Variants in TBX3 observed in about 807,000 individuals in gnomAD.
The protein encoded by TBX3 is T-box transcription factor 3.
In TBX3, 11 loss-of-function variants were observed where a neutral mutation model predicts 47.8. The ratio of observed to expected loss-of-function variants is 0.23; its 90% CI spans 0.14 to 0.38. The LOEUF is 0.38. Among genes scored for constraint, TBX3 ranks in the 10% least tolerant of loss-of-function variants. TBX3 has a pLI of 1.00. For missense variants in TBX3, 927 were observed against 1,022.8 expected, an observed-to-expected ratio of 0.91 and a Z score of 1.28; for synonymous variants, 500 against 449.3, an observed-to-expected ratio of 1.11 and a Z score of -1.43.
Position 114,684,039 on chromosome 12 carries a change from GA to G in TBX3, c.-840del, listed in dbSNP as rs1325117126. On this transcript the variant is annotated 5_prime_UTR_variant, in exon 1 of 7. Transcript: ENST00000349155. ...GCAGGGCAGGGAGGATTTAGAGGGG[GA>G]AAAAATGGAACAGAGGGAAAGAGAG... is the stretch of plus-strand genomic sequence containing the variant. 2 of 228,792 alleles carry G rather than the reference GA, an allele frequency of 8.7e-6. No homozygotes were observed. Among genetic ancestry groups the G allele is most frequent in the African/African-American group, 2.2e-5 (1 of 44,822 alleles). 14.2% of individuals were successfully genotyped at this position (228,792 alleles called of 1,614,324 possible).
Position 114,683,956 on chromosome 12 carries a change from C to G in TBX3, c.-756G>C. The G allele has an allele frequency of 4.3e-6, 1 of 231,688 alleles. No individual in the cohort carries two copies. The highest frequency in any genetic ancestry group is 8.5e-6 in the Non-Finnish European group (1 of 117,062). 14.4% of individuals were successfully genotyped at this position (231,688 alleles called of 1,614,324 possible). A position where few individuals can be genotyped will look rare whatever the true frequency, so the allele number is the denominator to read the frequency against. On this transcript the variant is annotated 5_prime_UTR_variant, in exon 1 of 7. Coordinates refer to ENST00000349155, the MANE Select transcript of TBX3 (RefSeq NM_005996.4). The surrounding 1 kb of genome is among the most constrained non-coding windows in gnomAD (Gnocchi z 7.7). ...TGCTGGGCTCTTCTCCCGTGCCTCT[C>G]TCTCTTCCTTGTCCTAAAACGTGAG...
At chr12:114,673,064 C>T (rs1868521549) in intron 6 of TBX3, among the ~76,000 whole-genome samples, 1 of 152,240 alleles carries the variant, frequency 6.6e-6, no homozygotes, top group African/African-American at 2.4e-5. Flanking sequence ...GCACCCTGGC[C>T]TGGGCCAGTT....
In TBX3 at chr12:114,674,554, C is replaced by T. The variant is rs1239750042; in HGVS notation, c.1321G>A (p.Gly441Ser). The T allele has an allele frequency of 1.3e-6, 2 of 1,557,346 alleles. No homozygotes were observed. The highest frequency in any genetic ancestry group is 1.2e-5 in the South Asian group (1 of 84,014). The change falls in exon 6 of 7, where the codon GGC becomes AGC. Residue 441 changes from glycine to serine, a missense_variant. Gly to Ser is a moderately conservative substitution (Grantham distance 56). This residue lies in a region of TBX3 where 623 missense variants were observed against 569.0 expected (regional missense o/e 1.09). Coordinates refer to ENST00000349155, the MANE Select transcript of TBX3 (RefSeq NM_005996.4). ...AEERRSPVRE[G>S]TAPAKVEEAR... ...TCTTCCACCTTGGCCGGCGCTGTGC[C>T]CTCGCGAACCGGGCTCCTGCGCTCC... is the stretch of plus-strand genomic sequence containing the variant.
chr12:114,683,191 A>G lies in TBX3; in HGVS notation c.10T>C (p.Ser4Pro), dbSNP rs771057510. The G allele has an allele frequency of 6.2e-7, 1 of 1,611,152 alleles. No individual in the cohort carries two copies. Among genetic ancestry groups the G allele is most frequent in the South Asian group, 1.1e-5 (1 of 91,022 alleles). The change falls in exon 1 of 7, where the codon TCC (serine) becomes CCC (proline). Residue 4 changes from serine (S) to proline (P), a missense_variant. Ser to Pro is a moderately conservative substitution (Grantham distance 74). Coordinates refer to ENST00000349155, the MANE Select transcript of TBX3 (RefSeq NM_005996.4). The surrounding 1 kb of genome is among the most constrained non-coding windows in gnomAD (Gnocchi z 7.7). MSL[S>P]MRDPVIPGTS... is the part of the protein sequence containing the mutation. ...CCAGGAATGACCGGATCTCTCATGG[A>G]GAGGCTCATCCACTCCAGGCGGGGC...
chr12:114,673,350 A>G (rs942773673), intron 6 of TBX3, among the ~76,000 whole-genome samples: 1 of 152,200 alleles, frequency 6.6e-6, no homozygotes, highest in African/African-American at 2.4e-5. Context: ...GAACCTTTTC[A>G]TCGAGTTCAG....
chr12:114,679,225 G>T lies in TBX3; in HGVS notation c.804+280C>A, dbSNP rs1981946. Among the ~76,000 whole-genome samples, 7,679 of 152,118 alleles carry T rather than the reference G, an allele frequency of 0.05. 303 individuals are homozygous for T. Among genetic ancestry groups the T allele is most frequent in the South Asian group, 0.11 (539 of 4,782 alleles). Reference sequence around the variant, plus strand: ...AACAGACAGGACAAAGCCCAAGAGGGGGGGAGGAGTGGGTGGCATCAATGA... The same window carrying T: ...AACAGACAGGACAAAGCCCAAGAGGTGGGGAGGAGTGGGTGGCATCAATGA... On this transcript the variant is annotated intron_variant, in intron 3 of 6. Coordinates refer to ENST00000349155, the MANE Select transcript of TBX3 (RefSeq NM_005996.4).
chr12:114,683,360 T>C lies in TBX3; in HGVS notation c.-160A>G. On this transcript the variant is annotated 5_prime_UTR_variant, in exon 1 of 7. Coordinates refer to ENST00000349155, the MANE Select transcript of TBX3 (RefSeq NM_005996.4). This position sits in a 1 kb window ranked among gnomAD's most constrained non-coding sequence, Gnocchi z 7.7. ...AAGAAAAGGAGGCAGAAATCACAACTAATGCACTTCAAAGGGAGGAGGGGA... is the reference window on the plus strand; with the variant it reads ...AAGAAAAGGAGGCAGAAATCACAACCAATGCACTTCAAAGGGAGGAGGGGA... 1 of 954,870 alleles carries C rather than the reference T, an allele frequency of 1.0e-6. No homozygotes were observed. The highest frequency in any genetic ancestry group is 1.5e-6 in the Non-Finnish European group (1 of 654,836). The allele number at this position is 954,870 out of a possible 1,614,324, so 59.1% of individuals were successfully genotyped here.
chr12:114,677,341 A>T (rs1413045545), intron 4 of TBX3, among the ~76,000 whole-genome samples: 1 of 152,222 alleles, frequency 6.6e-6, no homozygotes, highest in Admixed American at 6.5e-5. Context: ...ATTATCCCTG[A>T]TGCTTCTCTT....
Position 114,671,788 on chromosome 12 carries a change from A to G in TBX3, c.*53T>C. 1 of 1,544,430 alleles carries G rather than the reference A, an allele frequency of 6.5e-7. No homozygotes were observed. The highest frequency in any genetic ancestry group is 2.0e-5 in the Admixed American group (1 of 51,008). On this transcript the variant is annotated 3_prime_UTR_variant, in exon 7 of 7. Transcript: ENST00000349155. ...CCGTGGTTTATTTTATATCCGACAA[A>G]GTGCACGGCAGCCTGAACTGGACTG...
At position 114,672,159 on chromosome 12, in the gene TBX3, C is replaced by G. The variant is rs1428621258; in HGVS notation, c.1854G>C (p.Leu618=). The change falls in exon 7 of 7, where the codon CTG becomes CTC. Residue 618 remains leucine (L), a synonymous_variant. Transcript: ENST00000349155. The part of the protein sequence containing the change: ...FLNLNTMRPR[L]RYSPYSIPVP... ...CCGGGATGGAGTAGGGGCTGTAGCG[C>G]AGCCGCGGGCGCATGGTGTTCAGAT... The G allele has an allele frequency of 6.4e-7, 1 of 1,570,452 alleles. No homozygotes were observed. Among genetic ancestry groups the G allele is most frequent in the Non-Finnish European group, 8.6e-7 (1 of 1,158,562 alleles).
rs886049021 is a variant in TBX3 at position 114,684,072 on chromosome 12, G to GAA, written c.-873_-872insTT. On this transcript the variant is annotated 5_prime_UTR_variant, in exon 1 of 7. Transcript: ENST00000349155. ...GGAACAGAGGGAAAGAGAGGGAGGG[G>GAA]AGAGAGAGAGAGAGAGAGAGAGACG... 1 of 54,168 alleles carries GAA rather than the reference G, an allele frequency of 1.8e-5. No homozygotes were observed. Among genetic ancestry groups the GAA allele is most frequent in the Non-Finnish European group, 3.0e-5 (1 of 32,932 alleles). 3.4% of individuals were successfully genotyped at this position (54,168 alleles called of 1,614,324 possible).
Position 114,679,541 on chromosome 12 carries a change from A to G in TBX3, c.768T>C (p.Thr256=). The change falls in exon 3 of 7, where the codon ACT becomes ACC. Residue 256 remains threonine, a synonymous_variant. Transcript: ENST00000349155. The part of the protein sequence containing the change: ...STFRTYLFPE[T]EFIAVTAYQN... ...GGTATGCAGTCACAGCGATGAATTC[A>G]GTTTCGGGGAACAAGTATGTCCGAA... is the stretch of plus-strand genomic sequence containing the variant. The G allele has an allele frequency of 6.2e-7, 1 of 1,614,234 alleles. No individual in the cohort carries two copies. Among genetic ancestry groups the G allele is most frequent in the South Asian group, 1.1e-5 (1 of 91,086 alleles).
chr12:114,682,718 G>T (rs1868991329), intron 1 of TBX3, 94 bp downstream of exon 1: 1 of 1,590,822 alleles, frequency 6.3e-7, no homozygotes, highest in African/African-American at 1.3e-5. Flanking sequence ...CGTCCAAGCC[G>T]TAATAACCGA....
Position 114,674,681 on chromosome 12 carries a change from A to C in TBX3, c.1194T>G (p.Ala398=). 6.2e-7 allele frequency: 1 copy of C among 1,607,686 alleles called. No individual in the cohort carries two copies. The highest frequency in any genetic ancestry group is 8.5e-7 in the Non-Finnish European group (1 of 1,179,212). ...GSPAVKAHLF[A]AERPRDSGRL... ...GCCCGCTGTCCCGGGGCCGCTCAGC[A>C]GCGAAAAGGTGAGCCTTGACCGCGG... The change falls in exon 6 of 7, where the codon GCT becomes GCG. Residue 398 remains alanine (A), a synonymous_variant. Transcript: ENST00000349155.
chr12:114,672,245 C>CGGCCATG lies in TBX3; in HGVS notation c.1761_1767dup (p.Ala590HisfsTer84). Reference sequence around the variant, plus strand: ...GCCGCAGAGGAGGCGGCCGCCGCTGCGGCCATGTACGTGTAGGGGTAAGGG... The same window carrying CGGCCATG: ...GCCGCAGAGGAGGCGGCCGCCGCTGCGGCCATGGGCCATGTACGTGTAGGGGTAAGGG... On this transcript the variant is annotated frameshift_variant, in exon 7 of 7. Transcript: ENST00000349155. LOFTEE classifies it high-confidence loss of function. The CGGCCATG allele has an allele frequency of 6.3e-7, 1 of 1,574,842 alleles. No individual in the cohort carries two copies. Among genetic ancestry groups the CGGCCATG allele is most frequent in the Non-Finnish European group, 8.6e-7 (1 of 1,161,160 alleles).
At chr12:114,673,275 A>T (rs1399602274) in intron 6 of TBX3, among the ~76,000 whole-genome samples, 5 of 152,188 alleles carry the variant, frequency 3.3e-5, no homozygotes, top group Non-Finnish European at 7.3e-5. Flanking sequence ...TTCTTGGCGC[A>T]GGGAAGGGAG....
In TBX3 at chr12:114,674,633, G is replaced by C. The variant is rs1423724888; in HGVS notation, c.1242C>G (p.Asp414Glu). 6 of 1,606,304 alleles carry C rather than the reference G, an allele frequency of 3.7e-6. No homozygotes were observed. The Admixed American group carries it at 5.0e-5, about 13-fold the overall frequency. Residue 414 changes from aspartate to glutamate, a missense_variant, in exon 6 of 7, where the codon GAC (aspartate) becomes GAG (glutamate). Around this residue, in one of 5 missense-constraint regions of TBX3, gnomAD observed 623 missense variants for 569.0 expected, o/e 1.09. Coordinates refer to ENST00000349155, the MANE Select transcript of TBX3 (RefSeq NM_005996.4). ...AGATGGTGGCGGGGCTATGGCGTGAGTCGGGCGACGCTTTGTCCAGCCGCC... is the reference window on the plus strand; with the variant it reads ...AGATGGTGGCGGGGCTATGGCGTGACTCGGGCGACGCTTTGTCCAGCCGCC... ...DSGRLDKASP[D>E]SRHSPATISS...
rs1185164548 is a variant in TBX3, at chr12:114,683,898, CTCCGGAGGGTG to C, written c.-709_-699del. The C allele has an allele frequency of 2.6e-5, 6 of 232,250 alleles. No homozygotes were observed. The highest frequency in any genetic ancestry group is 1.1e-4 in the Admixed American group (2 of 17,736). 14.4% of individuals were successfully genotyped at this position (232,250 alleles called of 1,614,324 possible). Reference sequence around the variant, plus strand: ...TCCTCCTCCTTCCTCTGCTCCGAGCCTCCGGAGGGTGTCTCGGTTTCAATCCAAATCTTGCT... The same window carrying C: ...TCCTCCTCCTTCCTCTGCTCCGAGCCTCTCGGTTTCAATCCAAATCTTGCT... On this transcript the variant is annotated 5_prime_UTR_variant, in exon 1 of 7. Coordinates refer to ENST00000349155, the MANE Select transcript of TBX3 (RefSeq NM_005996.4). The surrounding 1 kb of genome is among the most constrained non-coding windows in gnomAD (Gnocchi z 7.7).
In TBX3 at chr12:114,671,849, A is replaced by T; in HGVS notation, c.2164T>A (p.Ser722Thr). Residue 722 changes from serine to threonine, a missense_variant, in exon 7 of 7, where the codon TCC (serine) becomes ACC (threonine). Ser to Thr is a moderately conservative substitution (Grantham distance 58). This residue lies in a region of TBX3 where 623 missense variants were observed against 569.0 expected (regional missense o/e 1.09). Transcript: ENST00000349155. ...EAKPDRSRSA[S>T]P ...ACGTGTCTGGGACGGGTCTACGGGGACGCGCTGCGGGACCTGTCCGGCTTG... is the reference window on the plus strand; with the variant it reads ...ACGTGTCTGGGACGGGTCTACGGGGTCGCGCTGCGGGACCTGTCCGGCTTG... 6.4e-7 allele frequency: 1 copy of T among 1,555,962 alleles called. No homozygotes were observed. Among genetic ancestry groups the T allele is most frequent in the Non-Finnish European group, 8.7e-7 (1 of 1,150,370 alleles).
Sources: gnomAD v4.1 joint callset for allele counts (sites outside exome capture counted in the v4.1 genomes callset) on GRCh38, gnomAD v4.1.1 for gene constraint, gnomAD v4.1.1 regional missense constraint, Gnocchi (gnomAD v3.1) non-coding constraint, MANE v1.5 for transcripts, NCBI Gene and HGNC (gene_info 2026-07-23, HGNC 2026-07-21) for gene names.